The following PAX3 variants were observed in gnomAD, a reference collection of about 807,000 sequenced individuals.
PAX3 encodes paired box protein Pax-3.
In PAX3, 14 loss-of-function variants were observed where a neutral mutation model predicts 51.6. That is an observed-to-expected ratio of 0.27 (90% CI 0.18 to 0.42). PAX3 has a LOEUF of 0.42. Among genes scored for constraint, PAX3 ranks in the 10% least tolerant of loss-of-function variants. The pLI is 1.00. For missense variants in PAX3, 540 were observed against 642.8 expected, an observed-to-expected ratio of 0.84 and a Z score of 1.73; for synonymous variants, 280 against 253.4, an observed-to-expected ratio of 1.11 and a Z score of -1.00.
At chr2:222,257,483 C>T (rs546207107) in intron 4 of PAX3, among the ~76,000 whole-genome samples, 1 of 152,108 alleles carries the variant, frequency 6.6e-6, no homozygotes, top group Non-Finnish European at 1.5e-5. Flanking sequence ...TGCTGTTTTG[C>T]CATGCTAATT....
At chr2:222,220,117 C>T in intron 7 of PAX3, 23 bp downstream of exon 7, 3 of 1,603,246 alleles carry the variant, frequency 1.9e-6, no homozygotes, top group Admixed American at 1.7e-5. Flanking sequence ...AGCAAATCGT[C>T]TGTCTAGAAA....
At chr2:222,240,630 T>G (rs1692976942) in intron 4 of PAX3, among the ~76,000 whole-genome samples, 1 of 152,210 alleles carries the variant, frequency 6.6e-6, no homozygotes, top group Admixed American at 6.5e-5. Context: ...CAAGCAACAT[T>G]TTGCTTAAAG....
chr2:222,293,008 C>T (rs1695100268), intron 4 of PAX3, among the ~76,000 whole-genome samples: 1 of 152,198 alleles, frequency 6.6e-6, no homozygotes, highest in South Asian at 2.1e-4. Flanking sequence ...CTGGCTGCCA[C>T]AGAGTTGGGC....
chr2:222,261,424 A>G (rs1301370084), intron 4 of PAX3, among the ~76,000 whole-genome samples: 2 of 152,190 alleles, frequency 1.3e-5, no homozygotes, highest in African/African-American at 4.8e-5. Flanking sequence ...CCTAGCACAC[A>G]TGTCAATTTG....
intron 7 of PAX3, among the ~76,000 whole-genome samples, chr2:222,215,488 G>A (rs1292111910): frequency 2.0e-5 from 3 of 151,966 alleles, no homozygotes; most frequent in Admixed American, 6.6e-5. Context: ...TGTAGAAGTC[G>A]GGTGGGGGGT....
rs1017676766 is a variant in PAX3 at position 222,201,418 on chromosome 2, T to G, written c.1445A>C (p.Asp482Ala). 1.2e-6 allele frequency: 2 copies of G among 1,613,894 alleles called. No homozygotes were observed. Among genetic ancestry groups the G allele is most frequent in the Non-Finnish European group, 1.7e-6 (2 of 1,179,994 alleles). Residue 482 changes from aspartate (D) to alanine (A), a missense_variant, in exon 9 of 9, where the codon GAT becomes GCT. Physicochemically the swap from Asp to Ala is moderately radical, Grantham distance 126 (BLOSUM62 -2). Transcript: ENST00000392070. The stretch of plus-strand genomic sequence containing the variant: ...AAGTGGACAGTTCACTTACGCGATA[T>G]CTGGCTTGAGATAATGAAAGGCACC... ...GQSAFHYLKP[D>A]IA
chr2:222,201,629 G>A, intron 8 of PAX3, 187 bp from the exon 9 acceptor site: 8 of 1,305,260 alleles, frequency 6.1e-6, no homozygotes, highest in Non-Finnish European at 8.4e-6. Context: ...ATATGATCCT[G>A]GAGCTGACCT....
intron 4 of PAX3, among the ~76,000 whole-genome samples, chr2:222,258,693 A>G (rs1299281241): frequency 1.3e-5 from 2 of 152,190 alleles, no homozygotes; most frequent in African/African-American, 4.8e-5. Flanking sequence ...CCCAGGAAGA[A>G]CCTTTAAGCT....
chr2:222,238,427 TG>T (rs1250201357), intron 4 of PAX3, among the ~76,000 whole-genome samples: 1 of 152,194 alleles, frequency 6.6e-6, no homozygotes, highest in African/African-American at 2.4e-5. Flanking sequence ...AATTCAGAGA[TG>T]GGAGACAGGC....
At chr2:222,285,960 C>T (rs933888186) in intron 4 of PAX3, among the ~76,000 whole-genome samples, 14 of 152,068 alleles carry the variant, frequency 9.2e-5, no homozygotes, top group South Asian at 4.1e-4. Context: ...TTTCCTGAAA[C>T]GGAGTCTCGC....
intron 4 of PAX3, among the ~76,000 whole-genome samples, chr2:222,275,574 G>A (rs937278870): frequency 4.4e-4 from 67 of 152,102 alleles, no homozygotes; most frequent in African/African-American, 1.6e-3. Context: ...AAGTCAATAT[G>A]TTGTGTAGAT....
chr2:222,228,768 C>G (rs1692475358), intron 5 of PAX3, among the ~76,000 whole-genome samples: 1 of 151,874 alleles, frequency 6.6e-6, no homozygotes. Flanking sequence ...GACCCCAGCT[C>G]TACAAAAAAA....
Position 222,202,111 on chromosome 2 carries a change from C to A in PAX3, c.1253G>T (p.Gly418Val), listed in dbSNP as rs1691316648. The A allele has an allele frequency of 1.2e-6, 2 of 1,613,734 alleles. No homozygotes were observed. The highest frequency in any genetic ancestry group is 1.7e-5 in the Admixed American group (1 of 59,968). ...CGACACCGTGGTGGTAGGTTCCAGA[C>A]CCCCGGTGAGAGGGGAGAGCGCGTA... ...TDYALSPLTG[G>V]LEPTTTVSAS... Residue 418 changes from glycine (G) to valine (V), a missense_variant, in exon 8 of 9, where the codon GGT becomes GTT. Gly to Val is a moderately radical substitution (Grantham distance 109). This residue lies in a region of PAX3 where 427 missense variants were observed against 483.6 expected (regional missense o/e 0.88). Coordinates refer to ENST00000392070, the MANE Select transcript of PAX3 (RefSeq NM_181458.4).
At position 222,247,873 on chromosome 2, in the gene PAX3, C is replaced by T. The variant is rs372572527; in HGVS notation, c.587-15590G>A. On this transcript the variant is annotated intron_variant, in intron 4 of 8. Transcript: ENST00000392070. ...TTTGTTTCTGATTTTTAAATTCTCA[C>T]TATATCTCATTATATCTACCTCATT... Among the ~76,000 whole-genome samples, 5 of 152,206 alleles carry T rather than the reference C, an allele frequency of 3.3e-5. No individual in the cohort carries two copies. In the South Asian group the frequency reaches 1.0e-3, roughly 32 times the overall value.
intron 4 of PAX3, among the ~76,000 whole-genome samples, chr2:222,248,945 G>A (rs1290720355): frequency 1.3e-5 from 2 of 152,158 alleles, no homozygotes; most frequent in Non-Finnish European, 2.9e-5. Flanking sequence ...TGAGGACCAT[G>A]TGATCAATTC....
chr2:222,229,581 C>T (rs528743408), intron 5 of PAX3, among the ~76,000 whole-genome samples: 1 of 152,122 alleles, frequency 6.6e-6, no homozygotes, highest in African/African-American at 2.4e-5. Context: ...CACTACCTAT[C>T]TCATGCCATA....
At chr2:222,213,101 G>C (rs1691810789) in intron 7 of PAX3, among the ~76,000 whole-genome samples, 1 of 152,150 alleles carries the variant, frequency 6.6e-6, no homozygotes, top group Non-Finnish European at 1.5e-5. Flanking sequence ...CAGCAAGGAA[G>C]GTTTTCTTTT....
chr2:222,249,076 A>T (rs1693329363), intron 4 of PAX3, among the ~76,000 whole-genome samples: 1 of 152,164 alleles, frequency 6.6e-6, no homozygotes, highest in African/African-American at 2.4e-5. Flanking sequence ...CGTGTTTAGT[A>T]AACTGTAACA....
rs749813232 is a variant in PAX3 at position 222,298,638 on chromosome 2, A to G, written c.-23T>C. The stretch of plus-strand genomic sequence containing the variant: ...CATCCTGGGGGCAGCTTCGCTCGGA[A>G]ATTATATCCAGGTGAAGGCGAAACG... On this transcript the variant is annotated 5_prime_UTR_variant, in exon 1 of 9. Transcript: ENST00000392070. 3 of 1,589,150 alleles carry G rather than the reference A, an allele frequency of 1.9e-6. No individual in the cohort carries two copies. The highest frequency in any genetic ancestry group is 1.8e-5 in the Admixed American group (1 of 56,500).
Sources: allele counts gnomAD v4.1 joint callset (sites outside exome capture counted in the v4.1 genomes callset), GRCh38; gene constraint gnomAD v4.1.1; regional missense constraint gnomAD v4.1.1; transcripts MANE v1.5; gene names NCBI Gene and HGNC (gene_info 2026-07-23, HGNC 2026-07-21).